The following GRXCR1 variants were observed in gnomAD, a reference collection of about 807,000 sequenced individuals.
GRXCR1 encodes glutaredoxin domain-containing cysteine-rich protein 1.
A neutral mutation model predicts 27.3 loss-of-function variants in GRXCR1; 27 were observed. The observed-to-expected ratio is 0.99, with a 90% CI of 0.73 to 1.37. GRXCR1 has a LOEUF of 1.37. GRXCR1 is among the 40% of genes most tolerant of loss of function. The pLI is 0.00. For synonymous variants in GRXCR1, 122 were observed against 131.1 expected (o/e 0.93, Z 0.47); for missense variants, 379 against 354.4 (o/e 1.07, Z -0.56).
At chr4:43,000,433 G>A (rs919838074) in intron 2 of GRXCR1, among the ~76,000 whole-genome samples, 5 of 146,442 alleles carry the variant, frequency 3.4e-5, no homozygotes, top group East Asian at 2.0e-4. Context: ...CCAAGAATGC[G>A]CCACTGCACT....
chr4:43,014,893 G>A (rs1400254238), intron 2 of GRXCR1, among the ~76,000 whole-genome samples: 1 of 152,154 alleles, frequency 6.6e-6, no homozygotes, highest in Non-Finnish European at 1.5e-5. Context: ...AGAAGTCATA[G>A]CCCCTGAAAT....
chr4:42,976,782 CAT>C (rs1748533914), intron 2 of GRXCR1, among the ~76,000 whole-genome samples: 1 of 151,930 alleles, frequency 6.6e-6, no homozygotes, highest in Admixed American at 6.6e-5. Context: ...AGCTAATTAA[CAT>C]AGCATTATCT....
chr4:42,979,389 T>C (rs995026378), intron 2 of GRXCR1, among the ~76,000 whole-genome samples: 2 of 152,076 alleles, frequency 1.3e-5, no homozygotes, highest in African/African-American at 4.8e-5. Flanking sequence ...TTTTTTATTA[T>C]GAAAAGATGT....
chr4:42,909,683 T>C (rs986164213), intron 1 of GRXCR1, among the ~76,000 whole-genome samples: 1 of 152,202 alleles, frequency 6.6e-6, no homozygotes. Flanking sequence ...AAACTCTTCC[T>C]ATTTTCTTTT....
chr4:42,916,531 G>T (rs949852162), intron 1 of GRXCR1, among the ~76,000 whole-genome samples: 14 of 151,924 alleles, frequency 9.2e-5, no homozygotes, highest in Admixed American at 1.3e-4. Context: ...TTTTAATTTG[G>T]ATTTATCTGA....
At position 42,962,978 on chromosome 4, in the gene GRXCR1, A is replaced by C. The variant is rs1748159242; in HGVS notation, c.471A>C (p.Glu157Asp). The change falls in exon 2 of 4, where the codon GAA becomes GAC. Residue 157 changes from glutamate (E) to aspartate (D), a missense_variant. Coordinates refer to ENST00000399770, the MANE Select transcript of GRXCR1 (RefSeq NM_001080476.3). Reference protein sequence around the residue: ...RVVRTTFERCELVRKIFQNHR... With the variant: ...RVVRTTFERCDLVRKIFQNHR... The stretch of plus-strand genomic sequence containing the variant: ...TCCGGACAACCTTTGAAAGATGTGA[A>C]CTGGTTAGAAAGATTTTCCAAAACC... 6.2e-7 allele frequency: 1 copy of C among 1,612,806 alleles called. No individual in the cohort carries two copies. Among genetic ancestry groups the C allele is most frequent in the Non-Finnish European group, 8.5e-7 (1 of 1,179,184 alleles).
intron 1 of GRXCR1, among the ~76,000 whole-genome samples, chr4:42,929,452 C>T (rs1288427100): frequency 1.3e-5 from 2 of 151,944 alleles, no homozygotes; most frequent in Non-Finnish European, 2.9e-5. Flanking sequence ...TGTCATCAGG[C>T]AGGAGAGACA....
chr4:42,994,017 T>C (rs1344384734), intron 2 of GRXCR1, among the ~76,000 whole-genome samples: 1 of 152,098 alleles, frequency 6.6e-6, no homozygotes, highest in East Asian at 1.9e-4. Context: ...ACTTTCTTAT[T>C]TAGGAAAGGA....
chr4:42,968,561 G>A (rs945045661), intron 2 of GRXCR1, among the ~76,000 whole-genome samples: 1 of 152,008 alleles, frequency 6.6e-6, no homozygotes, highest in African/African-American at 2.4e-5. Flanking sequence ...GCACTGGAGA[G>A]AGTATAAAGT....
intron 2 of GRXCR1, among the ~76,000 whole-genome samples, chr4:42,971,474 G>A (rs1748385373): frequency 6.6e-6 from 1 of 152,062 alleles, no homozygotes. Context: ...CAGGAAGCAT[G>A]GTTGGAAGAC....
At chr4:42,917,169 C>A (rs1217967467) in intron 1 of GRXCR1, among the ~76,000 whole-genome samples, 2 of 152,138 alleles carry the variant, frequency 1.3e-5, no homozygotes, top group Non-Finnish European at 2.9e-5. Flanking sequence ...TGGTATCTAT[C>A]TATCTATTTC....
chr4:43,006,393 T>A (rs1712559513), intron 2 of GRXCR1, among the ~76,000 whole-genome samples: 1 of 152,154 alleles, frequency 6.6e-6, no homozygotes, highest in South Asian at 2.1e-4. Context: ...GGGAGAAATA[T>A]CACTGAATTC....
intron 3 of GRXCR1, among the ~76,000 whole-genome samples, chr4:43,021,726 C>T (rs769859664): frequency 3.9e-5 from 6 of 152,076 alleles, no homozygotes; most frequent in African/African-American, 7.2e-5. Flanking sequence ...AGTGCTTATA[C>T]GGGAGGAGAA....
intron 1 of GRXCR1, among the ~76,000 whole-genome samples, chr4:42,925,532 T>A (rs1747140097): frequency 6.6e-6 from 1 of 152,048 alleles, no homozygotes; most frequent in African/African-American, 2.4e-5. Context: ...TCCGGCAATT[T>A]GGTTATCATT....
chr4:42,913,669 A>G (rs2109746457), intron 1 of GRXCR1, among the ~76,000 whole-genome samples: 1 of 152,314 alleles, frequency 6.6e-6, no homozygotes, highest in Non-Finnish European at 1.5e-5. Flanking sequence ...AGTAACCAAA[A>G]GCCTGAATCT....
Position 43,030,599 on chromosome 4 carries a change from A to G in GRXCR1, c.*59A>G. 1 of 1,276,516 alleles carries G rather than the reference A, an allele frequency of 7.8e-7. No homozygotes were observed. 79.1% of individuals were successfully genotyped at this position (1,276,516 alleles called of 1,614,324 possible). ...TTAATCAAAGGCAATACTTTGGTTT[A>G]TATATATATTTTTAAATGGTTATGT... On this transcript the variant is annotated 3_prime_UTR_variant, in exon 4 of 4. Transcript: ENST00000399770.
chr4:43,021,012 C>T (rs1713076387), intron 3 of GRXCR1, among the ~76,000 whole-genome samples: 1 of 152,156 alleles, frequency 6.6e-6, no homozygotes, highest in Non-Finnish European at 1.5e-5. Flanking sequence ...CTGAATGGGA[C>T]ACTTTGAGAG....
chr4:42,972,679 AC>A (rs1748417276), intron 2 of GRXCR1, among the ~76,000 whole-genome samples: 1 of 152,122 alleles, frequency 6.6e-6, no homozygotes, highest in African/African-American at 2.4e-5. Context: ...ATCTTTCAAA[AC>A]CCAAATTTTA....
At chr4:42,971,831 A>T (rs980059467) in intron 2 of GRXCR1, among the ~76,000 whole-genome samples, 1 of 152,162 alleles carries the variant, frequency 6.6e-6, no homozygotes, top group Non-Finnish European at 1.5e-5. Flanking sequence ...AGTAGGATAC[A>T]CTTCACTAAG....
Sources: gnomAD v4.1 joint callset for allele counts (sites outside exome capture counted in the v4.1 genomes callset) on GRCh38, gnomAD v4.1.1 for gene constraint, MANE v1.5 for transcripts, NCBI Gene and HGNC (gene_info 2026-07-23, HGNC 2026-07-21) for gene names.